Variants in RAD51B observed in about 807,000 individuals in gnomAD.
RAD51B encodes the protein DNA repair protein RAD51 homolog 2.
In RAD51B, 38 loss-of-function variants were observed where a neutral mutation model predicts 42.2. The observed-to-expected ratio is 0.90, with a 90% CI of 0.70 to 1.18. The LOEUF is 1.18. RAD51B is among the 50% of genes most tolerant of loss of function. The probability of loss-of-function intolerance (pLI) is 0.00; values close to 1 mark genes in which losing one functional copy is unlikely to be tolerated. For missense variants in RAD51B, 373 were observed against 400.7 expected (o/e 0.93, Z 0.59); for synonymous variants, 154 against 145.2 (o/e 1.06, Z -0.43).
At chr14:68,350,512 G>A (rs1448163411) in intron 8 of RAD51B, among the ~76,000 whole-genome samples, 8 of 152,238 alleles carry the variant, frequency 5.3e-5, no homozygotes, top group Non-Finnish European at 1.2e-4. Flanking sequence ...TGCTGGTGAA[G>A]CATCTTTCTT....
At chr14:68,072,648 C>T (rs1470455368) in intron 7 of RAD51B, among the ~76,000 whole-genome samples, 1 of 152,178 alleles carries the variant, frequency 6.6e-6, no homozygotes, top group Non-Finnish European at 1.5e-5. Context: ...ATCAAGTTGA[C>T]ACTCAGTATT....
At position 68,254,848 on chromosome 14, in the gene RAD51B, A is replaced by G. The variant is rs184991041; in HGVS notation, c.757-37036A>G. ...TGTCTGTTTGAATACAAGGCATACC[A>G]TTGGGCCTTGTAAATTACCCACTGG... On this transcript the variant is annotated intron_variant, in intron 7 of 10. Coordinates refer to ENST00000471583, the MANE Select transcript of RAD51B (RefSeq NM_133510.4). Among the ~76,000 whole-genome samples the G allele has an allele frequency of 4.9e-3, 748 of 152,336 alleles. 1 individual carries two copies. Among genetic ancestry groups the G allele is most frequent in the Non-Finnish European group, 6.8e-3 (465 of 68,026 alleles).
intron 6 of RAD51B, 55 bp downstream of exon 6, chr14:67,886,043 T>A (rs1168023623): frequency 7.3e-7 from 1 of 1,361,708 alleles, no homozygotes; most frequent in Non-Finnish European, 9.9e-7. Context: ...TTATGTTTTA[T>A]CTTTTATGTT....
intron 10 of RAD51B, among the ~76,000 whole-genome samples, chr14:68,514,428 A>G (rs541858082): frequency 6.6e-6 from 1 of 152,348 alleles, no homozygotes; most frequent in East Asian, 1.9e-4. Context: ...AATCTGATCA[A>G]GAAAAATAAT....
At chr14:68,387,894 A>G (rs1212389984) in intron 8 of RAD51B, among the ~76,000 whole-genome samples, 3 of 152,106 alleles carry the variant, frequency 2.0e-5, no homozygotes, top group East Asian at 3.9e-4. Context: ...AGTATGAGGG[A>G]AAAAAACATA....
chr14:68,131,518 A>C (rs1426961836), intron 7 of RAD51B, among the ~76,000 whole-genome samples: 1 of 152,150 alleles, frequency 6.6e-6, no homozygotes, highest in Non-Finnish European at 1.5e-5. Context: ...CAACATGGTG[A>C]AACCCTGCCT....
chr14:68,071,637 AGG>A (rs1478642540), intron 7 of RAD51B, among the ~76,000 whole-genome samples: 3 of 152,006 alleles, frequency 2.0e-5, no homozygotes, highest in Admixed American at 2.0e-4. Context: ...TAGCTTTTTG[AGG>A]GATGTGCTGC....
At chr14:68,239,508 CT>C (rs113123376) in intron 7 of RAD51B, among the ~76,000 whole-genome samples, 4,523 of 146,046 alleles carry the variant, frequency 0.031, 220 homozygotes, top group African/African-American at 0.11. Flanking sequence ...TCTCCACAGT[CT>C]TTTTTTTTTT....
chr14:67,948,363 CT>C (rs1371358588), intron 7 of RAD51B, among the ~76,000 whole-genome samples: 10 of 152,106 alleles, frequency 6.6e-5, no homozygotes, highest in Non-Finnish European at 1.3e-4. Context: ...TGGATGTCTT[CT>C]GGGACAGAGT....
intron 10 of RAD51B, among the ~76,000 whole-genome samples, chr14:68,547,766 G>C (rs1888313384): frequency 6.6e-6 from 1 of 152,326 alleles, no homozygotes; most frequent in South Asian, 2.1e-4. Flanking sequence ...TGGACAAAAA[G>C]TGTTGGGACA....
downstream of RAD51B, among the ~76,000 whole-genome samples, chr14:68,596,372 C>T (rs954665076): frequency 6.6e-5 from 10 of 152,108 alleles, no homozygotes; most frequent in Admixed American, 5.2e-4. Context: ...GGGTTTTCAA[C>T]CATGGGGGTG....
At chr14:67,939,217 C>T (rs901168742) in intron 7 of RAD51B, among the ~76,000 whole-genome samples, 1 of 152,028 alleles carries the variant, frequency 6.6e-6, no homozygotes, top group South Asian at 2.1e-4. Flanking sequence ...CCCCTGCCCC[C>T]CTCCATGTGG....
At chr14:68,271,070 A>G (rs138378691) in intron 7 of RAD51B, among the ~76,000 whole-genome samples, 1 of 152,280 alleles carries the variant, frequency 6.6e-6, no homozygotes, top group Non-Finnish European at 1.5e-5. Context: ...TAAAATTGCA[A>G]CCTATTCCCA....
intron 7 of RAD51B, among the ~76,000 whole-genome samples, chr14:68,019,697 T>A (rs2075832687): frequency 6.6e-6 from 1 of 152,202 alleles, no homozygotes; most frequent in Admixed American, 6.5e-5. Context: ...ATTCCCAGTA[T>A]ATGCCAAGGG....
chr14:68,641,472 G>A (rs1892458643), intron 10 of RAD51B, among the ~76,000 whole-genome samples: 2 of 150,070 alleles, frequency 1.3e-5, no homozygotes, highest in South Asian at 2.2e-4. Flanking sequence ...CATTATTTAG[G>A]ACTTCCAGTA....
intron 8 of RAD51B, among the ~76,000 whole-genome samples, chr14:68,360,142 C>T (rs1594723866): frequency 6.6e-6 from 1 of 152,238 alleles, no homozygotes; most frequent in Non-Finnish European, 1.5e-5. Context: ...ATTCTGTGGC[C>T]TAGCCACTCT....
intron 7 of RAD51B, among the ~76,000 whole-genome samples, chr14:68,162,589 TC>T: frequency 6.6e-6 from 1 of 152,182 alleles, no homozygotes; most frequent in South Asian, 2.1e-4. Context: ...ATCGAGACCA[TC>T]CTAGCTAACA....
At chr14:68,496,196 A>G (rs1489286267) in intron 10 of RAD51B, among the ~76,000 whole-genome samples, 2 of 152,210 alleles carry the variant, frequency 1.3e-5, no homozygotes, top group Non-Finnish European at 2.9e-5. Flanking sequence ...TACTGACAGG[A>G]TGAAGGAAAA....
chr14:68,396,047 A>G (rs8014025), intron 8 of RAD51B, among the ~76,000 whole-genome samples: 68,026 of 151,844 alleles, frequency 0.45, 16,850 homozygotes, highest in South Asian at 0.6. Flanking sequence ...ACAAGGACGG[A>G]CTCCTGGCTG....
Sources: allele counts gnomAD v4.1 joint callset (sites outside exome capture counted in the v4.1 genomes callset), GRCh38; gene constraint gnomAD v4.1.1; transcripts MANE v1.5; gene names NCBI Gene and HGNC (gene_info 2026-07-23, HGNC 2026-07-21).